Variants in AUTS2 observed in about 807,000 individuals in gnomAD.
The protein encoded by AUTS2 is autism susceptibility gene 2 protein.
AUTS2 carries 17 observed loss-of-function variants against 112.4 expected under a neutral mutation model. That is an observed-to-expected ratio of 0.15 (90% CI 0.10 to 0.23). The LOEUF is 0.23. AUTS2 is among the 10% of genes least tolerant of loss of function. The pLI is 1.00. For synonymous variants in AUTS2, 751 were observed against 702.7 expected, an observed-to-expected ratio of 1.07 and a Z score of -1.09; for missense variants, 1,510 against 1,701.6, an observed-to-expected ratio of 0.89 and a Z score of 1.98.
chr7:70,755,809 A>C (rs1406415768), intron 6 of AUTS2, among the ~76,000 whole-genome samples: 1 of 152,046 alleles, frequency 6.6e-6, no homozygotes, highest in African/African-American at 2.4e-5. Flanking sequence ...TTACTTTAAC[A>C]ATAATAATAC....
At chr7:70,352,522 A>T (rs1373173093) in intron 4 of AUTS2, among the ~76,000 whole-genome samples, 1 of 152,106 alleles carries the variant, frequency 6.6e-6, no homozygotes, top group Non-Finnish European at 1.5e-5. Flanking sequence ...ATTATTCATC[A>T]TCCACTGGGA....
intron 1 of AUTS2, among the ~76,000 whole-genome samples, chr7:69,653,222 A>ATT (rs1253708777): frequency 5.3e-5 from 8 of 152,192 alleles, no homozygotes; most frequent in African/African-American, 1.9e-4. Context: ...TTCTCAGGCC[A>ATT]AGAAGTGAGT....
intron 1 of AUTS2, among the ~76,000 whole-genome samples, chr7:69,714,957 G>A (rs903753268): frequency 1.3e-5 from 2 of 151,536 alleles, no homozygotes; most frequent in African/African-American, 4.8e-5. Context: ...AATTCAAAAG[G>A]TACAGAGACT....
intron 5 of AUTS2, among the ~76,000 whole-genome samples, chr7:70,658,961 A>G (rs752332802): frequency 2.6e-5 from 4 of 152,190 alleles, no homozygotes; most frequent in African/African-American, 7.2e-5. Flanking sequence ...ACTATTCACA[A>G]GCCCTAACAT....
At chr7:69,803,542 C>T in intron 1 of AUTS2, among the ~76,000 whole-genome samples, 1 of 151,920 alleles carries the variant, frequency 6.6e-6, no homozygotes, top group Non-Finnish European at 1.5e-5. Flanking sequence ...AAAAAAAGTC[C>T]TTGTAGTTGT....
chr7:70,328,730 A>G (rs1358067963), intron 4 of AUTS2, among the ~76,000 whole-genome samples: 1 of 152,216 alleles, frequency 6.6e-6, no homozygotes, highest in Non-Finnish European at 1.5e-5. Context: ...ACAGTTTATG[A>G]TGCAAGATTT....
At chr7:70,521,813 C>G (rs1799658978) in intron 5 of AUTS2, among the ~76,000 whole-genome samples, 1 of 152,162 alleles carries the variant, frequency 6.6e-6, no homozygotes, top group Admixed American at 6.5e-5. Context: ...GCCCATTTCA[C>G]TGAGACTGGG....
chr7:69,869,640 A>G (rs528072047), intron 1 of AUTS2, among the ~76,000 whole-genome samples: 9 of 152,166 alleles, frequency 5.9e-5, no homozygotes, highest in Admixed American at 5.9e-4. Context: ...TAATAAATGG[A>G]TAGCATCCCT....
chr7:70,216,736 C>T (rs1270945363), intron 4 of AUTS2, among the ~76,000 whole-genome samples: 1 of 152,158 alleles, frequency 6.6e-6, no homozygotes, highest in Non-Finnish European at 1.5e-5. Context: ...TCTAGTTGCC[C>T]ATAGTGGTAG....
chr7:70,292,554 A>C (rs1166845185), intron 4 of AUTS2: 1 of 152,252 alleles, frequency 6.6e-6, no homozygotes, highest in Non-Finnish European at 1.5e-5. Context: ...GTATCAGTGT[A>C]AACTTCTAAA....
intron 4 of AUTS2, among the ~76,000 whole-genome samples, chr7:70,146,960 C>T (rs933183681): frequency 8.6e-5 from 13 of 152,042 alleles, no homozygotes; most frequent in Admixed American, 7.2e-4. Flanking sequence ...TGCATGTGTA[C>T]ATATATGTAG....
chr7:70,579,370 T>C (rs1037616125), intron 5 of AUTS2, among the ~76,000 whole-genome samples: 1 of 151,910 alleles, frequency 6.6e-6, no homozygotes, highest in Admixed American at 6.6e-5. Context: ...CAAATAATAA[T>C]TCAAATGAAA....
At chr7:69,746,848 G>T (rs1466012674) in intron 1 of AUTS2, among the ~76,000 whole-genome samples, 1 of 152,046 alleles carries the variant, frequency 6.6e-6, no homozygotes, top group Admixed American at 6.6e-5. Flanking sequence ...TGGAGTTTGT[G>T]GGGGGAAACT....
At chr7:69,953,010 G>A (rs1337950640) in intron 2 of AUTS2, among the ~76,000 whole-genome samples, 6 of 152,166 alleles carry the variant, frequency 3.9e-5, no homozygotes, top group Admixed American at 3.9e-4. Flanking sequence ...GTGTAGCCAT[G>A]ACATTTGAGG....
intron 5 of AUTS2, among the ~76,000 whole-genome samples, chr7:70,520,487 T>G (rs1434863033): frequency 6.6e-6 from 1 of 152,240 alleles, no homozygotes. Context: ...GCAATTCTTG[T>G]AGCTGGCTTC....
In AUTS2 at chr7:69,876,325, CAAAAAAA is replaced by C. The variant is rs1167965776; in HGVS notation, c.310-22942_310-22936del. Among the ~76,000 whole-genome samples, 154 of 26,094 alleles carry C rather than the reference CAAAAAAA, an allele frequency of 5.9e-3. 1 individual carries two copies. The highest frequency in any genetic ancestry group is 0.01 in the Admixed American group (11 of 1,064). 17.1% of individuals were successfully genotyped at this position (26,094 alleles called of 152,430 possible). A position where few individuals can be genotyped will look rare whatever the true frequency, so the allele number is the denominator to read the frequency against. On this transcript the variant is annotated intron_variant, in intron 1 of 18. Coordinates refer to ENST00000342771, the MANE Select transcript of AUTS2 (RefSeq NM_015570.4). ...TGGGTGATGGAGCGAGACTCTGTCT[CAAAAAAA>C]AAAAAAAAAAAAAAAAAATATATAT...
chr7:70,750,105 A>G (rs1312647507), intron 6 of AUTS2, among the ~76,000 whole-genome samples: 1 of 152,134 alleles, frequency 6.6e-6, no homozygotes. Context: ...CCCCTGCAGA[A>G]CAGAATGAAA....
At chr7:69,767,027 G>T (rs1788454616) in intron 1 of AUTS2, among the ~76,000 whole-genome samples, 1 of 152,254 alleles carries the variant, frequency 6.6e-6, no homozygotes, top group Non-Finnish European at 1.5e-5. Flanking sequence ...ACTGAAGACT[G>T]TATCATGGAA....
chr7:70,665,625 A>C (rs1178281149), intron 5 of AUTS2, among the ~76,000 whole-genome samples: 3 of 152,180 alleles, frequency 2.0e-5, no homozygotes, highest in Non-Finnish European at 4.4e-5. Context: ...TTAGTGAGGT[A>C]GCATTCCATT....
Sources: gnomAD v4.1 joint callset for allele counts (sites outside exome capture counted in the v4.1 genomes callset) on GRCh38, gnomAD v4.1.1 for gene constraint, MANE v1.5 for transcripts, NCBI Gene and HGNC (gene_info 2026-07-23, HGNC 2026-07-21) for gene names.